Variants in COCH observed in about 807,000 individuals in gnomAD.
COCH encodes coagulation factor C homolog, cochlin (Limulus polyphemus).
Under a neutral mutation model 54.8 loss-of-function variants are expected in COCH, and 40 were observed. The observed-to-expected ratio is 0.73, with a 90% CI of 0.57 to 0.95. The LOEUF (loss-of-function observed/expected upper bound fraction) is 0.95, where lower values mean the gene tolerates loss of function less well. Among genes scored for constraint, COCH ranks in the 40% least tolerant of loss-of-function variants. COCH has a pLI of 0.00. For synonymous variants in COCH, 256 were observed against 237.9 expected, an observed-to-expected ratio of 1.08 and a Z score of -0.70; for missense variants, 605 against 675.0, an observed-to-expected ratio of 0.90 and a Z score of 1.15.
rs774804924 is a variant in COCH, at chr14:30,889,785, G to C, written c.1647G>C (p.Gln549His). Reference sequence around the variant, plus strand: ...TTTGTAGAGATTTCTTAGAATCCCAGCAATAATGGTAACATTTTGACAACT... The same window carrying C: ...TTTGTAGAGATTTCTTAGAATCCCACCAATAATGGTAACATTTTGACAACT... ...RGICRDFLES[Q>H]Q is the part of the protein sequence containing the mutation. The change falls in exon 12 of 12, where the codon CAG becomes CAC. Residue 549 changes from glutamine (Q) to histidine (H), a missense_variant. By Grantham distance (24) the Gln-to-His change is conservative. Coordinates refer to ENST00000396618, the MANE Select transcript of COCH (RefSeq NM_004086.3). 1.8e-5 allele frequency: 29 copies of C among 1,608,784 alleles called. No individual in the cohort carries two copies. The highest frequency in any genetic ancestry group is 2.4e-5 in the Non-Finnish European group (28 of 1,175,868).
chr14:30,885,232 T>G (rs1428900097), intron 9 of COCH, 162 bp from the exon 10 acceptor site: 3 of 926,230 alleles, frequency 3.2e-6, no homozygotes, highest in Non-Finnish European at 4.9e-6. Flanking sequence ...CTGATGCATC[T>G]GTTACAGAAC....
Position 30,885,859 on chromosome 14 carries a change from T to C in COCH, c.1024T>C (p.Tyr342His), listed in dbSNP as rs1895771758. ...GCCCAACTGGTTTGGCACCACAAAA[T>C]ACGTAAAGCCTCTGGTACAGAAGCT... ...HMPNWFGTTK[Y>H]VKPLVQKLCT... The change falls in exon 11 of 12, where the codon TAC becomes CAC. Residue 342 changes from tyrosine (Y) to histidine (H), a missense_variant. Physicochemically the swap from Tyr to His is moderately conservative, Grantham distance 83 (BLOSUM62 2). Coordinates refer to ENST00000396618, the MANE Select transcript of COCH (RefSeq NM_004086.3). 6.2e-7 allele frequency: 1 copy of C among 1,614,170 alleles called. No individual in the cohort carries two copies. The highest frequency in any genetic ancestry group is 8.5e-7 in the Non-Finnish European group (1 of 1,180,010).
intron 8 of COCH, among the ~76,000 whole-genome samples, chr14:30,882,430 C>G (rs1253515047): frequency 6.6e-6 from 1 of 151,812 alleles, no homozygotes; most frequent in Non-Finnish European, 1.5e-5. Flanking sequence ...ACGCCTGGCC[C>G]CTTCAGTATT....
In COCH at chr14:30,890,060, A is replaced by C; in HGVS notation, c.*269A>C. On this transcript the variant is annotated 3_prime_UTR_variant, in exon 12 of 12. Coordinates refer to ENST00000396618, the MANE Select transcript of COCH (RefSeq NM_004086.3). ...GGAGATAATGTGGATTAAAACCTTA[A>C]GAGTTCTAACCATGCCTACTAAATG... 1.3e-5 allele frequency: 15 copies of C among 1,147,798 alleles called. No individual in the cohort carries two copies. The highest frequency in any genetic ancestry group is 1.6e-5 in the Non-Finnish European group (15 of 929,792). The allele number at this position is 1,147,798 out of a possible 1,614,324, so 71.1% of individuals were successfully genotyped here. A position where few individuals can be genotyped will look rare whatever the true frequency, so the allele number is the denominator to read the frequency against.
downstream of COCH, chr14:30,894,904 T>C: frequency 9.3e-7 from 1 of 1,072,866 alleles, no homozygotes; most frequent in Admixed American, 3.4e-5. Context: ...TTTTTTTTTT[T>C]TTTTAAAGCA....
intron 11 of COCH, among the ~76,000 whole-genome samples, chr14:30,887,006 G>A (rs111375641): frequency 1.6e-3 from 241 of 152,282 alleles, no homozygotes; most frequent in African/African-American, 5.3e-3. Context: ...ACAGGCATAA[G>A]CCACCACACC....
At chr14:30,881,340 A>T (rs1895579975) in intron 8 of COCH, among the ~76,000 whole-genome samples, 1 of 152,194 alleles carries the variant, frequency 6.6e-6, no homozygotes, top group Non-Finnish European at 1.5e-5. Context: ...TTATGGACAC[A>T]CTGGGTTCCC....
downstream of COCH, chr14:30,895,263 A>G (rs1896110854): frequency 1.2e-5 from 9 of 780,556 alleles, no homozygotes; most frequent in South Asian, 6.5e-5. Flanking sequence ...TGACATTAAG[A>G]TGTGATTTCC....
chr14:30,882,136 T>TTG (rs1566410447), intron 8 of COCH, among the ~76,000 whole-genome samples: 1 of 129,330 alleles, frequency 7.7e-6, no homozygotes, highest in Non-Finnish European at 1.6e-5. Flanking sequence ...TTTTTTTTTT[T>TTG]TTTTTTTTTT....
At chr14:30,885,294 A>G (rs1207090556) in intron 9 of COCH, 100 bp from the exon 10 acceptor site, 10 of 1,100,086 alleles carry the variant, frequency 9.1e-6, no homozygotes, top group African/African-American at 6.2e-5. Context: ...CCAGTTCTAT[A>G]TATAATTCTT....
intron 8 of COCH, among the ~76,000 whole-genome samples, chr14:30,882,570 A>G (rs151234638): frequency 5.0e-4 from 76 of 152,278 alleles, no homozygotes; most frequent in African/African-American, 1.7e-3. Context: ...AAAATATTTC[A>G]TAATATTCCG....
At chr14:30,888,566 G>A (rs1357763142) in intron 11 of COCH, among the ~76,000 whole-genome samples, 1 of 152,054 alleles carries the variant, frequency 6.6e-6, no homozygotes, top group African/African-American at 2.4e-5. Context: ...TGGATCGCTT[G>A]AGCCCTGGAG....
chr14:30,875,614 C>CCA, intron 3 of COCH: 1 of 330,884 alleles, frequency 3.0e-6, no homozygotes. Flanking sequence ...ATCAGAAGCA[C>CCA]TCGCGGTCTC....
At position 30,875,392 on chromosome 14, in the gene COCH, C is replaced by G. The variant is rs906889583; in HGVS notation, c.82+289C>G. On this transcript the variant is annotated intron_variant, in intron 3 of 11. Transcript: ENST00000396618. ...CCCACCCACAGCCCCAGACCCCGGG[C>G]CCGCTGAGCGCCGGCAGCAGGAGGT... is the stretch of plus-strand genomic sequence containing the variant. The G allele has an allele frequency of 8.4e-6, 5 of 598,370 alleles. No homozygotes were observed. The Admixed American group carries it at 1.2e-4, about 14-fold the overall frequency. 37.1% of individuals were successfully genotyped at this position (598,370 alleles called of 1,614,324 possible).
chr14:30,885,091 G>T, intron 9 of COCH: 1 of 1,569,608 alleles, frequency 6.4e-7, no homozygotes, highest in African/African-American at 1.4e-5. Context: ...GCATGGAAGT[G>T]GGAATCAGTT....
At chr14:30,888,817 G>A (rs1895882506) in intron 11 of COCH, among the ~76,000 whole-genome samples, 1 of 149,918 alleles carries the variant, frequency 6.7e-6, no homozygotes, top group African/African-American at 2.4e-5. Context: ...AAGATTAAAT[G>A]AAAACTTCTA....
chr14:30,874,722 C>G (rs1895288800), intron 1 of COCH, 131 bp downstream of exon 1: 1 of 625,908 alleles, frequency 1.6e-6, no homozygotes, highest in South Asian at 1.9e-5. Context: ...GGTTGCACAC[C>G]GATCCTGGGC....
intron 11 of COCH, among the ~76,000 whole-genome samples, chr14:30,886,899 TG>T (rs1363404690): frequency 6.6e-6 from 1 of 152,126 alleles, no homozygotes; most frequent in Non-Finnish European, 1.5e-5. Context: ...TAAATTTTTT[TG>T]GGGAGAGACG....
chr14:30,877,762 G>A lies in COCH; in HGVS notation c.239+34G>A. On this transcript the variant is annotated intron_variant, in intron 4 of 11. Transcript: ENST00000396618. The surrounding 1 kb of genome is among the most constrained non-coding windows in gnomAD (Gnocchi z 8.6). Reference sequence around the variant, plus strand: ...AAACACACCAGGGTGGGAGAGAAATGCAGACGTGATTATTTCCTTTCCTGC... The same window carrying A: ...AAACACACCAGGGTGGGAGAGAAATACAGACGTGATTATTTCCTTTCCTGC... 1 of 1,613,712 alleles carries A rather than the reference G, an allele frequency of 6.2e-7. No individual in the cohort carries two copies.
Sources: allele counts gnomAD v4.1 joint callset (sites outside exome capture counted in the v4.1 genomes callset), GRCh38; gene constraint gnomAD v4.1.1; non-coding constraint Gnocchi (gnomAD v3.1); transcripts MANE v1.5; gene names NCBI Gene and HGNC (gene_info 2026-07-23, HGNC 2026-07-21).